The following AGAP1 variants were observed in gnomAD, a reference collection of about 807,000 sequenced individuals.
AGAP1 encodes ArfGAP with GTPase domain, ankyrin repeat and PH domain 1, also known as arf-GAP with GTPase, ANK repeat and PH domain-containing protein 1.
In AGAP1, 29 loss-of-function variants were observed where a neutral mutation model predicts 105.3. The observed-to-expected ratio is 0.28, with a 90% CI of 0.21 to 0.38. The LOEUF (loss-of-function observed/expected upper bound fraction) is 0.38. Among genes scored for constraint, AGAP1 ranks in the 10% least tolerant of loss-of-function variants. AGAP1 has a pLI of 1.00. For synonymous variants in AGAP1, 509 were observed against 485.9 expected (o/e 1.05, Z -0.63); for missense variants, 998 against 1,165.1 (o/e 0.86, Z 2.09).
chr2:235,545,589 C>T (rs1273277474), intron 1 of AGAP1, among the ~76,000 whole-genome samples: 1 of 152,226 alleles, frequency 6.6e-6, no homozygotes, highest in East Asian at 1.9e-4. Flanking sequence ...TCTGAAGACA[C>T]TGGCCCGTGG....
chr2:235,744,265 A>AGG lies in AGAP1; in HGVS notation c.397-430_397-429dup, dbSNP rs1160556909. On this transcript the variant is annotated intron_variant, in intron 4 of 17. Transcript: ENST00000304032. The surrounding 1 kb of genome is among the most constrained non-coding windows in gnomAD (Gnocchi z 5.2). ...GGTGGGGAGGTTCTGAGCAGGCATG[A>AGG]GGGGTCCAGCAAGGCTTCCTTAAGA... is the stretch of plus-strand genomic sequence containing the variant. Among the ~76,000 whole-genome samples, 24 of 152,272 alleles carry AGG rather than the reference A, an allele frequency of 1.6e-4. No homozygotes were observed. The highest frequency in any genetic ancestry group is 5.5e-4 in the African/African-American group (23 of 41,560).
intron 13 of AGAP1, among the ~76,000 whole-genome samples, chr2:235,980,049 G>A (rs1020503836): frequency 2.0e-5 from 3 of 152,150 alleles, no homozygotes; most frequent in African/African-American, 7.2e-5. Flanking sequence ...GATTCGTACC[G>A]CTTGACAGTA....
chr2:235,861,291 G>C (rs1575636647), intron 9 of AGAP1, among the ~76,000 whole-genome samples: 2 of 152,290 alleles, frequency 1.3e-5, no homozygotes, highest in African/African-American at 4.8e-5. Context: ...ATTGGCACTT[G>C]GGAACTTGGG....
intron 11 of AGAP1, among the ~76,000 whole-genome samples, chr2:235,915,415 C>T (rs535299575): frequency 6.6e-6 from 1 of 152,324 alleles, no homozygotes; most frequent in East Asian, 1.9e-4. Context: ...TGGCTCATGC[C>T]TGTAATCCCA....
rs1366680845 is a variant in AGAP1 at position 235,655,415 on chromosome 2, C to T, written c.164-53764C>T. Reference sequence around the variant, plus strand: ...AGGTAATTTCAATGTTGGTCATGCCCAGGGATCTCCTTAAGTGTTGCAGAA... The same window carrying T: ...AGGTAATTTCAATGTTGGTCATGCCTAGGGATCTCCTTAAGTGTTGCAGAA... On this transcript the variant is annotated intron_variant, in intron 1 of 17. Transcript: ENST00000304032. This position sits in a 1 kb window ranked among gnomAD's most constrained non-coding sequence, Gnocchi z 4.3. 2.6e-5 allele frequency among the ~76,000 whole-genome samples: 4 copies of T among 152,146 alleles called. No individual in the cohort carries two copies. The highest frequency in any genetic ancestry group is 4.4e-5 in the Non-Finnish European group (3 of 68,036).
Position 235,550,610 on chromosome 2 carries a change from C to T in AGAP1, c.163+55761C>T, listed in dbSNP as rs937428143. Among the ~76,000 whole-genome samples, 3 of 152,222 alleles carry T rather than the reference C, an allele frequency of 2.0e-5. No homozygotes were observed. The highest frequency in any genetic ancestry group is 2.1e-4 in the South Asian group (1 of 4,820). ...GGGAGCCACAGACAGGTGTGTTTGC[C>T]GCAGAGGTGCCGAGGGCCCAGCAGG... On this transcript the variant is annotated intron_variant, in intron 1 of 17. Coordinates refer to ENST00000304032, the MANE Select transcript of AGAP1 (RefSeq NM_001037131.3). The surrounding 1 kb of genome is among the most constrained non-coding windows in gnomAD (Gnocchi z 4.6).
In AGAP1 at chr2:235,610,071, GCAGGGCCAGCAC is replaced by G. The variant is rs1254647537; in HGVS notation, c.164-99107_164-99096del. The stretch of plus-strand genomic sequence containing the variant: ...TTTCCTGCATTTGCCCCAACTCTGT[GCAGGGCCAGCAC>G]TTTTAGCTCCTAGTCACAGATATGG... On this transcript the variant is annotated intron_variant, in intron 1 of 17. Transcript: ENST00000304032. The surrounding 1 kb of genome is among the most constrained non-coding windows in gnomAD (Gnocchi z 4.9). 1.3e-5 allele frequency among the ~76,000 whole-genome samples: 2 copies of G among 152,154 alleles called. No homozygotes were observed. The highest frequency in any genetic ancestry group is 4.8e-5 in the African/African-American group (2 of 41,416).
Position 235,893,115 on chromosome 2 carries a change from A to C in AGAP1, c.1155+9666A>C, listed in dbSNP as rs1327661060. ...TGTGGTGCGGGTGTGCTGTGTCCTC[A>C]TAAGGGTGCGCCATGTCTGTGGCGT... On this transcript the variant is annotated intron_variant, in intron 10 of 17. Coordinates refer to ENST00000304032, the MANE Select transcript of AGAP1 (RefSeq NM_001037131.3). The surrounding 1 kb of genome is among the most constrained non-coding windows in gnomAD (Gnocchi z 4.7). 6.9e-6 allele frequency among the ~76,000 whole-genome samples: 1 copy of C among 145,896 alleles called. No individual in the cohort carries two copies. The highest frequency in any genetic ancestry group is 1.5e-5 in the Non-Finnish European group (1 of 66,264).
intron 1 of AGAP1, among the ~76,000 whole-genome samples, chr2:235,634,007 G>GC (rs1946912334): frequency 6.6e-6 from 1 of 152,016 alleles, no homozygotes; most frequent in African/African-American, 2.4e-5. Context: ...CAAAGTTGCA[G>GC]CCCCCAGCAA....
Position 235,799,504 on chromosome 2 carries a change from C to A in AGAP1, c.939C>A (p.Arg313=). Residue 313 remains arginine (R), a synonymous_variant, in exon 8 of 18, where the codon CGC becomes CGA. Coordinates refer to ENST00000304032, the MANE Select transcript of AGAP1 (RefSeq NM_001037131.3). This position sits in a 1 kb window ranked among gnomAD's most constrained non-coding sequence, Gnocchi z 5.0. The part of the protein sequence containing the change: ...TPTPVRKQSK[R]RSNLFTSRKG... The stretch of plus-strand genomic sequence containing the variant: ...CGCCCGTTCGCAAGCAGTCTAAGCG[C>A]CGGTCCAACCTGTTCACCGTGAGTG... 6.2e-7 allele frequency: 1 copy of A among 1,614,152 alleles called. No homozygotes were observed.
chr2:235,613,149 C>T (rs137940308), intron 1 of AGAP1, among the ~76,000 whole-genome samples: 2 of 151,958 alleles, frequency 1.3e-5, no homozygotes, highest in East Asian at 1.9e-4. Flanking sequence ...GCAGGCACCA[C>T]CATGCCCAGC....
rs972071247 is a variant in AGAP1, at chr2:235,625,271, C to G, written c.164-83908C>G. Among the ~76,000 whole-genome samples, 1 of 152,154 alleles carries G rather than the reference C, an allele frequency of 6.6e-6. No homozygotes were observed. Among genetic ancestry groups the G allele is most frequent in the Non-Finnish European group, 1.5e-5 (1 of 68,034 alleles). On this transcript the variant is annotated intron_variant, in intron 1 of 17. Transcript: ENST00000304032. This position sits in a 1 kb window ranked among gnomAD's most constrained non-coding sequence, Gnocchi z 4.0. ...GCTTCAGGGCACCCTACAGGTCACT[C>G]AGGCCTCCAACTCTGGGGTGATGCC...
chr2:236,047,290 C>T (rs1271676331), intron 15 of AGAP1, among the ~76,000 whole-genome samples: 1 of 151,988 alleles, frequency 6.6e-6, no homozygotes, highest in African/African-American at 2.4e-5. Context: ...TCCGGAGGTG[C>T]AGAAGCAGAG....
At position 235,961,388 on chromosome 2, in the gene AGAP1, A is replaced by G. The variant is rs1263612395; in HGVS notation, c.1484-7074A>G. ...GATGAGCTGTGTGGATGCTGCTGAG[A>G]CTGGTGTGACTGCTTTGAGCCTTGT... On this transcript the variant is annotated intron_variant, in intron 12 of 17. Coordinates refer to ENST00000304032, the MANE Select transcript of AGAP1 (RefSeq NM_001037131.3). This position sits in a 1 kb window ranked among gnomAD's most constrained non-coding sequence, Gnocchi z 5.9. Among the ~76,000 whole-genome samples, 1 of 152,132 alleles carries G rather than the reference A, an allele frequency of 6.6e-6. No individual in the cohort carries two copies. The highest frequency in any genetic ancestry group is 1.5e-5 in the Non-Finnish European group (1 of 68,010).
chr2:235,497,935 G>T (rs886535152), intron 1 of AGAP1, among the ~76,000 whole-genome samples: 1 of 151,996 alleles, frequency 6.6e-6, no homozygotes, highest in African/African-American at 2.4e-5. Context: ...TGAAGATAGG[G>T]TTTCTCTTGT....
rs1420762339 is a variant in AGAP1 at position 235,982,787 on chromosome 2, T to C, written c.1645+14164T>C. On this transcript the variant is annotated intron_variant, in intron 13 of 17. Transcript: ENST00000304032. This position sits in a 1 kb window ranked among gnomAD's most constrained non-coding sequence, Gnocchi z 4.9. Reference sequence around the variant, plus strand: ...ATGGGAAATTGGTTTTCTTTCCTTCTGGACATTCAAAGATTAATATGTTAC... The same window carrying C: ...ATGGGAAATTGGTTTTCTTTCCTTCCGGACATTCAAAGATTAATATGTTAC... Among the ~76,000 whole-genome samples, 2 of 152,244 alleles carry C rather than the reference T, an allele frequency of 1.3e-5. No individual in the cohort carries two copies. Among genetic ancestry groups the C allele is most frequent in the African/African-American group, 2.4e-5 (1 of 41,470 alleles).
chr2:236,010,481 C>A (rs1324287425), intron 13 of AGAP1, among the ~76,000 whole-genome samples: 1 of 152,200 alleles, frequency 6.6e-6, no homozygotes, highest in African/African-American at 2.4e-5. Context: ...AAGTTTCTAT[C>A]ACACTTTCTT....
intron 16 of AGAP1, among the ~76,000 whole-genome samples, chr2:236,081,008 C>T (rs115336513): frequency 0.023 from 3,488 of 152,294 alleles, 117 homozygotes; most frequent in African/African-American, 0.075. Context: ...GGGATTAGGA[C>T]GTTGACATCT....
intron 13 of AGAP1, among the ~76,000 whole-genome samples, chr2:236,015,333 C>G (rs905258951): frequency 6.6e-6 from 1 of 152,132 alleles, no homozygotes; most frequent in Admixed American, 6.5e-5. Flanking sequence ...CCATAATGCT[C>G]TCTGCAGCTC....
Sources: allele counts gnomAD v4.1 joint callset (sites outside exome capture counted in the v4.1 genomes callset), GRCh38; gene constraint gnomAD v4.1.1; non-coding constraint Gnocchi (gnomAD v3.1); transcripts MANE v1.5; gene names NCBI Gene and HGNC (gene_info 2026-07-23, HGNC 2026-07-21).